The following SPAG17 variants were observed in gnomAD, a reference collection of about 807,000 sequenced individuals.
SPAG17 encodes the protein sperm-associated antigen 17.
SPAG17 carries 169 observed loss-of-function variants against 273.6 expected under a neutral mutation model. The observed-to-expected ratio is 0.62, with a 90% CI of 0.55 to 0.70. The LOEUF (loss-of-function observed/expected upper bound fraction) is 0.70, where lower values mean the gene tolerates loss of function less well. Among genes scored for constraint, SPAG17 ranks in the 30% least tolerant of loss-of-function variants. The probability of loss-of-function intolerance (pLI) is 0.00; values close to 1 mark genes in which losing one functional copy is unlikely to be tolerated. For missense variants in SPAG17, 2,557 were observed against 2,627.8 expected (o/e 0.97, Z 0.59); for synonymous variants, 825 against 873.2 (o/e 0.94, Z 0.97).
chr1:118,049,476 T>G (rs75642534), intron 20 of SPAG17, among the ~76,000 whole-genome samples: 1 of 152,124 alleles, frequency 6.6e-6, no homozygotes, highest in Non-Finnish European at 1.5e-5. Context: ...AAAAATCACA[T>G]GGTCATCACA....
intron 31 of SPAG17, 152 bp from the exon 32 acceptor site, chr1:118,005,754 T>G (rs1658811647): frequency 3.8e-6 from 2 of 522,940 alleles, no homozygotes. Context: ...GGACTTAAGG[T>G]TTGGAAAGGG....
chr1:118,087,747 C>T (rs1655101888), intron 10 of SPAG17, among the ~76,000 whole-genome samples: 1 of 152,156 alleles, frequency 6.6e-6, no homozygotes, highest in African/African-American at 2.4e-5. Context: ...CAGCTTTTCC[C>T]TTTACCCTAT....
chr1:118,165,641 C>CTTT (rs1558057112), intron 1 of SPAG17, among the ~76,000 whole-genome samples: 2 of 106,166 alleles, frequency 1.9e-5, no homozygotes, highest in African/African-American at 7.5e-5. Flanking sequence ...AAAAAAAAAA[C>CTTT]TTTCTTTTTT....
chr1:118,073,838 C>G lies in SPAG17; in HGVS notation c.2385+16G>C, dbSNP rs537508336. 6.5e-7 allele frequency: 1 copy of G among 1,545,356 alleles called. No homozygotes were observed. Among genetic ancestry groups the G allele is most frequent in the Admixed American group, 1.9e-5 (1 of 51,500 alleles). On this transcript the variant is annotated intron_variant, in intron 17 of 48. Coordinates refer to ENST00000336338, the MANE Select transcript of SPAG17 (RefSeq NM_206996.4). ...CCTATCTGACCGTCTCCTAGAGAAT[C>G]ACAGTCCATAAATACCTGAAGCAGT... is the stretch of plus-strand genomic sequence containing the variant.
intron 3 of SPAG17, among the ~76,000 whole-genome samples, chr1:118,126,991 A>G (rs908463128): frequency 2.0e-5 from 3 of 152,114 alleles, no homozygotes; most frequent in African/African-American, 4.8e-5. Flanking sequence ...AAATCAGTTG[A>G]CTGTAACTAT....
rs75118658 is a variant in SPAG17, at chr1:118,072,836, G to A, written c.2385+1018C>T. Among the ~76,000 whole-genome samples the A allele has an allele frequency of 5.3e-5, 8 of 152,166 alleles. No individual in the cohort carries two copies. The East Asian group carries it at 1.4e-3, about 26-fold the overall frequency. On this transcript the variant is annotated intron_variant, in intron 17 of 48. Transcript: ENST00000336338. ...CCTGTACCTGTACATGCACATGTGT[G>A]TTGGATGGGGGTGGGCAAAGCTGTG...
At chr1:118,185,035 C>G (rs766927724) in intron 1 of SPAG17, 36 bp downstream of exon 1, 1 of 1,590,826 alleles carries the variant, frequency 6.3e-7, no homozygotes, top group Non-Finnish European at 8.6e-7. Context: ...CTGGCATTGC[C>G]GGGGGCAGGG....
intron 26 of SPAG17, among the ~76,000 whole-genome samples, chr1:118,026,285 G>A (rs1207130573): frequency 6.6e-6 from 1 of 152,138 alleles, no homozygotes; most frequent in African/African-American, 2.4e-5. Flanking sequence ...TCCTTCAAAA[G>A]CAAGCACTAT....
chr1:118,061,885 G>A (rs1652333715), intron 18 of SPAG17, among the ~76,000 whole-genome samples: 1 of 151,958 alleles, frequency 6.6e-6, no homozygotes, highest in Admixed American at 6.6e-5. Flanking sequence ...AATGGAACTC[G>A]AACAAAGTAA....
chr1:117,987,991 G>T, intron 39 of SPAG17, 110 bp from the exon 40 acceptor site: 1 of 1,435,368 alleles, frequency 7.0e-7, no homozygotes, highest in Non-Finnish European at 9.6e-7. Flanking sequence ...TATGGGAGAT[G>T]AAGGGCTGTG....
At chr1:118,085,673 G>T (rs1313254780) in intron 13 of SPAG17, among the ~76,000 whole-genome samples, 2 of 152,090 alleles carry the variant, frequency 1.3e-5, no homozygotes, top group Non-Finnish European at 2.9e-5. Context: ...AATTATTGTG[G>T]TTAAGAAAAC....
chr1:118,005,177 A>G (rs528073860), intron 32 of SPAG17, among the ~76,000 whole-genome samples: 2 of 152,294 alleles, frequency 1.3e-5, no homozygotes, highest in African/African-American at 4.8e-5. Flanking sequence ...CTAATTATTT[A>G]TTTAGCCCTA....
intron 23 of SPAG17, among the ~76,000 whole-genome samples, chr1:118,038,088 C>A (rs1035397359): frequency 1.3e-5 from 2 of 152,004 alleles, no homozygotes; most frequent in African/African-American, 4.8e-5. Flanking sequence ...GCTCAATAAC[C>A]AGAAAATAAA....
intron 4 of SPAG17, among the ~76,000 whole-genome samples, chr1:118,106,452 C>A (rs369788423): frequency 6.6e-6 from 1 of 152,116 alleles, no homozygotes. Context: ...TTGTAAGGCA[C>A]AAGTCAGTGC....
intron 28 of SPAG17, among the ~76,000 whole-genome samples, chr1:118,020,288 G>C (rs1427715235): frequency 1.3e-5 from 2 of 152,108 alleles, no homozygotes; most frequent in East Asian, 1.9e-4. Context: ...ACAAAAATTA[G>C]CCAGCTTTGA....
intron 1 of SPAG17, among the ~76,000 whole-genome samples, chr1:118,183,688 T>C (rs1283462504): frequency 6.6e-6 from 1 of 152,096 alleles, no homozygotes; most frequent in Non-Finnish European, 1.5e-5. Context: ...ACTAGGAAAA[T>C]TATAGCTTCA....
intron 38 of SPAG17, among the ~76,000 whole-genome samples, chr1:117,989,149 A>G (rs1318882567): frequency 6.6e-6 from 1 of 152,192 alleles, no homozygotes; most frequent in East Asian, 1.9e-4. Flanking sequence ...ACTTTTTATT[A>G]TAAGTATATC....
At chr1:118,029,519 G>A (rs139366803) in intron 25 of SPAG17, among the ~76,000 whole-genome samples, 6 of 152,142 alleles carry the variant, frequency 3.9e-5, no homozygotes, top group African/African-American at 1.2e-4. Flanking sequence ...TCTATAATGA[G>A]CACATACTGC....
intron 32 of SPAG17, among the ~76,000 whole-genome samples, chr1:118,002,143 T>G (rs1170756535): frequency 6.6e-6 from 1 of 152,232 alleles, no homozygotes; most frequent in East Asian, 1.9e-4. Context: ...TTGAGTGAGT[T>G]TCTTAATCCT....
Sources: allele counts gnomAD v4.1 joint callset (sites outside exome capture counted in the v4.1 genomes callset), GRCh38; gene constraint gnomAD v4.1.1; transcripts MANE v1.5; gene names NCBI Gene and HGNC (gene_info 2026-07-23, HGNC 2026-07-21).